KATNAL2: variants seen among roughly 807,000 people sequenced by gnomAD.
KATNAL2 encodes katanin p60 ATPase-containing subunit A-like 2.
Under a neutral mutation model 76.3 loss-of-function variants are expected in KATNAL2, and 52 were observed. That is an observed-to-expected ratio of 0.68 (90% CI 0.55 to 0.86). The LOEUF is 0.86. Among genes scored for constraint, KATNAL2 ranks in the 40% least tolerant of loss-of-function variants. The pLI, the probability that KATNAL2 is intolerant of heterozygous loss-of-function variation, is 0.00. For missense variants in KATNAL2, 660 were observed against 668.9 expected, an observed-to-expected ratio of 0.99 and a Z score of 0.15; for synonymous variants, 243 against 244.2, an observed-to-expected ratio of 1.00 and a Z score of 0.05.
chr18:46,957,009 C>T (rs938726323), intron 3 of KATNAL2, among the ~76,000 whole-genome samples: 1 of 149,008 alleles, frequency 6.7e-6, no homozygotes, highest in Non-Finnish European at 1.5e-5. Flanking sequence ...TGCCATTCAG[C>T]CTGGGACACA....
At chr18:47,047,540 A>T (rs775899379) in intron 4 of KATNAL2, among the ~76,000 whole-genome samples, 4 of 151,974 alleles carry the variant, frequency 2.6e-5, no homozygotes, top group Non-Finnish European at 4.4e-5. Context: ...TTGGCCACCT[A>T]CCTCATTAAA....
chr18:46,922,484 A>C (rs1271992997), intron 1 of KATNAL2, among the ~76,000 whole-genome samples: 1 of 151,858 alleles, frequency 6.6e-6, no homozygotes, highest in Non-Finnish European at 1.5e-5. Flanking sequence ...AAAAAAAAAA[A>C]CCAAATAATT....
chr18:46,960,933 A>T (rs1475724473), intron 3 of KATNAL2, among the ~76,000 whole-genome samples: 1 of 152,238 alleles, frequency 6.6e-6, no homozygotes, highest in Non-Finnish European at 1.5e-5. Context: ...CTTGCGTCTT[A>T]AGAACTGAGC....
At position 47,059,644 on chromosome 18, in the gene KATNAL2, A is replaced by G; in HGVS notation, c.539A>G (p.His180Arg). Residue 180 changes from histidine (H) to arginine (R), a missense_variant, in exon 8 of 18, where the codon CAC becomes CGC. Physicochemically the swap from His to Arg is conservative, Grantham distance 29 (BLOSUM62 0). Transcript: ENST00000683218. ...AAAGACAGTGGAGAGGAAAATGCCC[A>G]CCCACGAAGAGTAAGTGAAACTCAT... is the stretch of plus-strand genomic sequence containing the variant. ...IRKDSGEENA[H>R]PRRGQIIDFQ... The G allele has an allele frequency of 1.2e-6, 2 of 1,609,508 alleles. No homozygotes were observed. Among genetic ancestry groups the G allele is most frequent in the Non-Finnish European group, 1.7e-6 (2 of 1,175,866 alleles).
At chr18:47,091,691 A>G (rs956430837) in intron 15 of KATNAL2, among the ~76,000 whole-genome samples, 1 of 152,216 alleles carries the variant, frequency 6.6e-6, no homozygotes, top group Non-Finnish European at 1.5e-5. Flanking sequence ...TAGCTAATCA[A>G]TACAGACATC....
Position 47,033,727 on chromosome 18 carries a change from G to A in KATNAL2, c.52-12730G>A, listed in dbSNP as rs781198420. ...GGCAGGCCTGGAGCCCGAGTACACC[G>A]GCATCTTAGCATTCACTCTGCGTCC... On this transcript the variant is annotated intron_variant, in intron 3 of 17. Coordinates refer to ENST00000683218, the MANE Select transcript of KATNAL2 (RefSeq NM_001387690.1). The A allele has an allele frequency of 3.1e-6, 5 of 1,614,160 alleles. No homozygotes were observed. Among genetic ancestry groups the A allele is most frequent in the Non-Finnish European group, 8.5e-7 (1 of 1,180,042 alleles).
chr18:46,947,575 C>G (rs1375059660), intron 3 of KATNAL2, among the ~76,000 whole-genome samples: 4 of 151,790 alleles, frequency 2.6e-5, no homozygotes, highest in African/African-American at 9.7e-5. Context: ...ATAAAAACAA[C>G]GTGGGGGCGG....
intron 1 of KATNAL2, among the ~76,000 whole-genome samples, chr18:46,922,688 T>A (rs911616154): frequency 1.3e-5 from 2 of 151,612 alleles, no homozygotes; most frequent in East Asian, 2.0e-4. Flanking sequence ...TCCTAGCAAC[T>A]TGGGAGGCTG....
At chr18:47,034,588 C>A (rs2060666533) in intron 3 of KATNAL2, 1 of 1,614,064 alleles carries the variant, frequency 6.2e-7, no homozygotes, top group Admixed American at 1.7e-5. Context: ...CGATTTGTGC[C>A]CCTTGCTGTG....
At chr18:46,940,849 C>T (rs1263055469) in intron 1 of KATNAL2, among the ~76,000 whole-genome samples, 2 of 152,150 alleles carry the variant, frequency 1.3e-5, no homozygotes, top group Non-Finnish European at 2.9e-5. Context: ...CATAGCTGGA[C>T]TCCTGCTCTA....
At chr18:47,060,238 C>A (rs1205056319) in intron 8 of KATNAL2, among the ~76,000 whole-genome samples, 1 of 152,124 alleles carries the variant, frequency 6.6e-6, no homozygotes, top group Admixed American at 6.6e-5. Context: ...CTCAAGCAAT[C>A]CTCCTGTCTG....
chr18:47,033,728 G>A lies in KATNAL2; in HGVS notation c.52-12729G>A, dbSNP rs745739051. On this transcript the variant is annotated intron_variant, in intron 3 of 17. Transcript: ENST00000683218. The stretch of plus-strand genomic sequence containing the variant: ...GCAGGCCTGGAGCCCGAGTACACCG[G>A]CATCTTAGCATTCACTCTGCGTCCA... 6 of 1,614,064 alleles carry A rather than the reference G, an allele frequency of 3.7e-6. No individual in the cohort carries two copies. In the African/African-American group the frequency reaches 6.7e-5, roughly 18 times the overall value.
intron 3 of KATNAL2, among the ~76,000 whole-genome samples, chr18:46,951,067 A>G (rs1350886707): frequency 6.6e-6 from 1 of 151,962 alleles, no homozygotes; most frequent in Admixed American, 6.6e-5. Flanking sequence ...ACTCCCTTCT[A>G]CTTCTCCCTG....
chr18:47,084,847 TAA>T (rs34034453), intron 15 of KATNAL2, among the ~76,000 whole-genome samples: 2,285 of 25,106 alleles, frequency 0.091, 14 homozygotes, highest in East Asian at 0.12. Context: ...AGACTCTGTC[TAA>T]AAAAAAAAAA....
intron 15 of KATNAL2, among the ~76,000 whole-genome samples, chr18:47,081,346 A>G (rs1281488443): frequency 6.6e-6 from 1 of 152,250 alleles, no homozygotes; most frequent in Non-Finnish European, 1.5e-5. Flanking sequence ...ATTTTTAAAA[A>G]GTAAAAATAA....
rs2061819538 is a variant in KATNAL2 at position 47,066,863 on chromosome 18, A to ATT, written c.727-157_727-156insTT. ...TATATGTGTTTATATATATATATAT[A>ATT]TATATATATATATATATATATATAT... On this transcript the variant is annotated intron_variant, in intron 10 of 17. Coordinates refer to ENST00000683218, the MANE Select transcript of KATNAL2 (RefSeq NM_001387690.1). Among the ~76,000 whole-genome samples, 5 of 67,334 alleles carry ATT rather than the reference A, an allele frequency of 7.4e-5. No homozygotes were observed. In the South Asian group the frequency reaches 2.7e-3, roughly 36 times the overall value. The allele number at this position is 67,334 out of a possible 152,430, so 44.2% of individuals were successfully genotyped here. A position where few individuals can be genotyped will look rare whatever the true frequency, so the allele number is the denominator to read the frequency against.
At chr18:47,055,229 C>A (rs1227484114) in intron 6 of KATNAL2, among the ~76,000 whole-genome samples, 1 of 152,216 alleles carries the variant, frequency 6.6e-6, no homozygotes, top group Non-Finnish European at 1.5e-5. Context: ...AGGGCCAGCT[C>A]TGGGGCATCG....
chr18:47,075,477 C>A, intron 14 of KATNAL2, 109 bp downstream of exon 14: 1 of 725,258 alleles, frequency 1.4e-6, no homozygotes, highest in Non-Finnish European at 2.0e-6. Flanking sequence ...CAGAATGAGC[C>A]CATTAATAAG....
intron 2 of KATNAL2, 125 bp from the exon 3 acceptor site, chr18:46,946,729 G>A: frequency 2.7e-6 from 3 of 1,119,198 alleles, no homozygotes; most frequent in Non-Finnish European, 3.8e-6. Context: ...GAATCCTTCT[G>A]TGGCCAGCGA....
Sources: gnomAD v4.1 joint callset for allele counts (sites outside exome capture counted in the v4.1 genomes callset) on GRCh38, gnomAD v4.1.1 for gene constraint, MANE v1.5 for transcripts, NCBI Gene and HGNC (gene_info 2026-07-23, HGNC 2026-07-21) for gene names.